PHACTR1: variants seen among roughly 807,000 people sequenced by gnomAD.
PHACTR1 encodes RPEL repeat containing 1.
Under a neutral mutation model 69.2 loss-of-function variants are expected in PHACTR1, and 16 were observed. That is an observed-to-expected ratio of 0.23 (90% CI 0.16 to 0.35). PHACTR1 has a LOEUF of 0.35. PHACTR1 is among the 10% of genes least tolerant of loss of function. PHACTR1 has a pLI of 1.00. For synonymous variants in PHACTR1, 312 were observed against 284.5 expected (o/e 1.10, Z -0.97); for missense variants, 510 against 734.7 (o/e 0.69, Z 3.54).
intron 4 of PHACTR1, among the ~76,000 whole-genome samples, chr6:12,971,916 A>G (rs911110738): frequency 1.3e-5 from 2 of 152,204 alleles, no homozygotes; most frequent in African/African-American, 4.8e-5. Flanking sequence ...CATTTTAGAA[A>G]GCTCCCTGGG....
intron 4 of PHACTR1, among the ~76,000 whole-genome samples, chr6:12,921,993 C>T (rs899074432): frequency 1.3e-5 from 2 of 152,200 alleles, no homozygotes; most frequent in South Asian, 4.1e-4. Context: ...AATGATGGTG[C>T]CTGTGCTATC....
chr6:13,285,161 T>G (rs906191951), intron 13 of PHACTR1, among the ~76,000 whole-genome samples: 2 of 152,210 alleles, frequency 1.3e-5, no homozygotes, highest in Non-Finnish European at 2.9e-5. Context: ...TGCACCCTCA[T>G]AGAGTTCTGA....
Position 12,747,815 on chromosome 6 carries a change from G to A in PHACTR1, c.104-1829G>A, listed in dbSNP as rs187786216. On this transcript the variant is annotated intron_variant, in intron 3 of 14. Transcript: ENST00000332995. Reference sequence around the variant, plus strand: ...GATACAAAAATGAGCCAGATTTGTTGGGGTGGCTCCAAGCAGACTGGAGGT... The same window carrying A: ...GATACAAAAATGAGCCAGATTTGTTAGGGTGGCTCCAAGCAGACTGGAGGT... Among the ~76,000 whole-genome samples, 171 of 152,192 alleles carry A rather than the reference G, an allele frequency of 1.1e-3. 3 individuals carry two copies. The East Asian group carries it at 0.024, about 21-fold the overall frequency.
At chr6:12,961,253 G>A (rs1194623783) in intron 4 of PHACTR1, among the ~76,000 whole-genome samples, 2 of 152,128 alleles carry the variant, frequency 1.3e-5, no homozygotes, top group African/African-American at 4.8e-5. Flanking sequence ...ACAAAAAAAA[G>A]TAATCCAACA....
In PHACTR1 at chr6:13,230,185, G is replaced by A. The variant is rs774280027; in HGVS notation, c.1383G>A (p.Lys461=). Residue 461 remains lysine, a synonymous_variant, in exon 10 of 15, where the codon AAG becomes AAA. Coordinates refer to ENST00000332995, the MANE Select transcript of PHACTR1 (RefSeq NM_030948.6). ...AGCTGAGGCAACAGATTGGCACCAA[G>A]CTCACCAGGTAGGACAGCGGCACCC... ...RLELRQQIGT[K]LTRRLSQRPT... 1 of 1,609,192 alleles carries A rather than the reference G, an allele frequency of 6.2e-7. No homozygotes were observed. The highest frequency in any genetic ancestry group is 8.5e-7 in the Non-Finnish European group (1 of 1,178,106).
In PHACTR1 at chr6:13,184,733, C is replaced by T; in HGVS notation, c.664+2047C>T. On this transcript the variant is annotated intron_variant, in intron 7 of 14. Transcript: ENST00000332995. ...CAGCCCGAGTCCCTGTCCTGTGTTC[C>T]CCGCTGGCCCCGCCTGCACTGCGTT... The T allele has an allele frequency of 3.2e-6, 4 of 1,261,868 alleles. No homozygotes were observed. The South Asian group carries it at 4.7e-5, about 15-fold the overall frequency. The allele number at this position is 1,261,868 out of a possible 1,614,324, so 78.2% of individuals were successfully genotyped here. A position where few individuals can be genotyped will look rare whatever the true frequency, so the allele number is the denominator to read the frequency against.
At chr6:12,954,868 C>T (rs1428186086) in intron 4 of PHACTR1, among the ~76,000 whole-genome samples, 1 of 152,138 alleles carries the variant, frequency 6.6e-6, no homozygotes, top group African/African-American at 2.4e-5. Flanking sequence ...AAAATAAATT[C>T]TAACCTCAAA....
intron 4 of PHACTR1, among the ~76,000 whole-genome samples, chr6:12,982,940 T>G (rs1795697730): frequency 6.6e-6 from 1 of 152,238 alleles, no homozygotes; most frequent in Non-Finnish European, 1.5e-5. Context: ...AATTTTTGAA[T>G]TTCTTCTTTG....
At chr6:13,157,867 G>A (rs1223538) in intron 5 of PHACTR1, among the ~76,000 whole-genome samples, 26,623 of 151,952 alleles carry the variant, frequency 0.18, 2,909 homozygotes, top group South Asian at 0.39. Flanking sequence ...GTGCTGCTTA[G>A]CAGATCTTTT....
chr6:12,972,068 T>C (rs1794281270), intron 4 of PHACTR1, among the ~76,000 whole-genome samples: 1 of 152,222 alleles, frequency 6.6e-6, no homozygotes, highest in Non-Finnish European at 1.5e-5. Context: ...AACCTACCGA[T>C]ACCTTTTACT....
At chr6:12,894,427 A>G (rs1394325091) in intron 4 of PHACTR1, among the ~76,000 whole-genome samples, 2 of 152,164 alleles carry the variant, frequency 1.3e-5, no homozygotes, top group African/African-American at 4.8e-5. Context: ...CAACATGGCA[A>G]TACCCCATCT....
intron 4 of PHACTR1, among the ~76,000 whole-genome samples, chr6:12,895,831 C>T (rs1040664520): frequency 6.6e-6 from 1 of 152,202 alleles, no homozygotes; most frequent in Non-Finnish European, 1.5e-5. Flanking sequence ...GGGTAGGTCT[C>T]ACCCACAAGG....
At chr6:13,278,175 A>AT in intron 11 of PHACTR1, 93 bp from the exon 12 acceptor site, 1 of 1,201,624 alleles carries the variant, frequency 8.3e-7, no homozygotes, top group Non-Finnish European at 1.2e-6. Flanking sequence ...TTAAAATGAG[A>AT]TGCTTGGCCT....
intron 6 of PHACTR1, among the ~76,000 whole-genome samples, chr6:13,171,213 G>A (rs1160318992): frequency 8.4e-5 from 12 of 142,692 alleles, no homozygotes; most frequent in Non-Finnish European, 1.8e-4. Context: ...GAGATCCACT[G>A]AAGGCTCAGG....
chr6:12,819,190 C>T (rs144311511), intron 4 of PHACTR1, among the ~76,000 whole-genome samples: 24 of 152,242 alleles, frequency 1.6e-4, no homozygotes, highest in East Asian at 9.6e-4. Flanking sequence ...TTGAATTTTG[C>T]GGATTTTTGT....
In PHACTR1 at chr6:13,275,386, A is replaced by G. The variant is rs1382718802; in HGVS notation, c.1447+2471A>G. ...GGTACCTTCTGCCTGAAAATTCATGAACCTGGGTTGGTCAATGGCTTTGAA... is the reference window on the plus strand; with the variant it reads ...GGTACCTTCTGCCTGAAAATTCATGGACCTGGGTTGGTCAATGGCTTTGAA... On this transcript the variant is annotated intron_variant, in intron 11 of 14. Coordinates refer to ENST00000332995, the MANE Select transcript of PHACTR1 (RefSeq NM_030948.6). The surrounding 1 kb of genome is among the most constrained non-coding windows in gnomAD (Gnocchi z 4.0). 1.3e-5 allele frequency: 2 copies of G among 152,232 alleles called. No homozygotes were observed. The highest frequency in any genetic ancestry group is 2.9e-5 in the Non-Finnish European group (2 of 68,086). The allele number at this position is 152,232 out of a possible 1,614,324, so 9.4% of individuals were successfully genotyped here.
intron 4 of PHACTR1, among the ~76,000 whole-genome samples, chr6:13,025,819 A>G (rs996432223): frequency 6.6e-6 from 1 of 152,080 alleles, no homozygotes; most frequent in East Asian, 1.9e-4. Context: ...GTAGGAATAT[A>G]ACATTTTTAG....
At chr6:13,021,452 CTT>C (rs1205178987) in intron 4 of PHACTR1, among the ~76,000 whole-genome samples, 2 of 152,170 alleles carry the variant, frequency 1.3e-5, no homozygotes, top group Non-Finnish European at 2.9e-5. Flanking sequence ...TGTTTCCACT[CTT>C]TGGCTTTGCT....
chr6:12,718,634 A>G (rs1761699536), intron 2 of PHACTR1, 65 bp from the exon 3 acceptor site: 1 of 433,034 alleles, frequency 2.3e-6, no homozygotes, highest in African/African-American at 2.0e-5. Flanking sequence ...ATTTTAAAGT[A>G]CATCTATATA....
Sources: allele counts gnomAD v4.1 joint callset (sites outside exome capture counted in the v4.1 genomes callset), GRCh38; gene constraint gnomAD v4.1.1; non-coding constraint Gnocchi (gnomAD v3.1); transcripts MANE v1.5; gene names NCBI Gene and HGNC (gene_info 2026-07-23, HGNC 2026-07-21).